ZNF426: variants seen among roughly 807,000 people sequenced by gnomAD.
ZNF426 encodes the protein CTC-543D15.7.
In ZNF426, 23 loss-of-function variants were observed where a neutral mutation model predicts 24.0. The observed-to-expected ratio is 0.96, with a 90% confidence interval of 0.69 to 1.36. ZNF426 has a LOEUF of 1.36. ZNF426 is among the 40% of genes most tolerant of loss of function. The probability of loss-of-function intolerance (pLI) is 0.00; values close to 1 mark genes in which losing one functional copy is unlikely to be tolerated. For synonymous variants in ZNF426, 272 were observed against 224.6 expected (o/e 1.21, Z -1.89); for missense variants, 646 against 658.4 (o/e 0.98, Z 0.21).
At chr19:9,529,980 G>A (rs529089930) in intron 7 of ZNF426, among the ~76,000 whole-genome samples, 227 of 152,262 alleles carry the variant, frequency 1.5e-3, no homozygotes, top group Non-Finnish European at 2.3e-3. Flanking sequence ...AATTAGCTGG[G>A]CTTGGTGGCA....
intron 3 of ZNF426, 22 bp downstream of exon 3, chr19:9,536,186 T>A: frequency 6.2e-7 from 1 of 1,613,906 alleles, no homozygotes. Flanking sequence ...CAGGATATCC[T>A]AAAAAGAGCA....
Position 9,528,984 on chromosome 19 carries a change from T to A in ZNF426, c.1061A>T (p.His354Leu). The change falls in exon 8 of 8, where the codon CAT (histidine) becomes CTT (leucine). Residue 354 changes from histidine (H) to leucine (L), a missense_variant. Coordinates refer to ENST00000253115, the MANE Select transcript of ZNF426 (RefSeq NM_024106.3). ...AFTQYSGLSMHVRSHSGDKPY... is the reference protein window; with the variant it reads ...AFTQYSGLSMLVRSHSGDKPY... The stretch of plus-strand genomic sequence containing the variant: ...CTTGTCTCCACTGTGAGATCGTACA[T>A]GCATACTAAGGCCCGAGTACTGAGT... 2 of 1,614,048 alleles carry A rather than the reference T, an allele frequency of 1.2e-6. No homozygotes were observed. The highest frequency in any genetic ancestry group is 1.7e-6 in the Non-Finnish European group (2 of 1,179,970).
chr19:9,534,085 C>T lies in ZNF426; in HGVS notation c.118-119G>A, dbSNP rs938250489. The T allele has an allele frequency of 2.0e-5, 29 of 1,431,810 alleles. No homozygotes were observed. The South Asian group carries it at 3.2e-4, about 16-fold the overall frequency. 88.7% of individuals were successfully genotyped at this position (1,431,810 alleles called of 1,614,324 possible). A position where few individuals can be genotyped will look rare whatever the true frequency, so the allele number is the denominator to read the frequency against. ...ATTCCAAGGGCTGCAGTGACCAGCC[C>T]CAGGTTTTAAGGGTCCTAGAAACTC... is the stretch of plus-strand genomic sequence containing the variant. On this transcript the variant is annotated intron_variant, in intron 4 of 7. Coordinates refer to ENST00000253115, the MANE Select transcript of ZNF426 (RefSeq NM_024106.3).
chr19:9,536,278 C>A lies in ZNF426; in HGVS notation c.-46G>T, dbSNP rs766716973. 3.7e-6 allele frequency: 6 copies of A among 1,614,150 alleles called. No individual in the cohort carries two copies. Among genetic ancestry groups the A allele is most frequent in the South Asian group, 1.1e-5 (1 of 91,070 alleles). ...CAGAACCCTCCTTTCATTGATGTCA[C>A]CATCACTTCAGGACACCTCATTAAT... On this transcript the variant is annotated 5_prime_UTR_variant, in exon 3 of 8. Transcript: ENST00000253115.
chr19:9,530,511 C>T (rs1045165042), intron 7 of ZNF426, among the ~76,000 whole-genome samples: 1 of 151,854 alleles, frequency 6.6e-6, no homozygotes, highest in African/African-American at 2.4e-5. Flanking sequence ...GCCTGTACTC[C>T]CAGCACTTTT....
chr19:9,527,678 T>C lies in ZNF426; in HGVS notation c.*702A>G, dbSNP rs890748131. On this transcript the variant is annotated 3_prime_UTR_variant, in exon 8 of 8. Transcript: ENST00000253115. ...GGCTTTTGGACAATCTATAAACGTT[T>C]TTGCTTATTGCTTACTGTATTCACT... 1 of 152,208 alleles carries C rather than the reference T, an allele frequency of 6.6e-6. No individual in the cohort carries two copies. Among genetic ancestry groups the C allele is most frequent in the Admixed American group, 6.5e-5 (1 of 15,282 alleles). 9.4% of individuals were successfully genotyped at this position (152,208 alleles called of 1,614,324 possible). A position where few individuals can be genotyped will look rare whatever the true frequency, so the allele number is the denominator to read the frequency against.
Position 9,535,174 on chromosome 19 carries a change from C to T in ZNF426, c.117+14G>A, listed in dbSNP as rs369299256. On this transcript the variant is annotated intron_variant, in intron 4 of 7. Coordinates refer to ENST00000253115, the MANE Select transcript of ZNF426 (RefSeq NM_024106.3). The stretch of plus-strand genomic sequence containing the variant: ...AAGTATGTCACTATGTATAAGAATA[C>T]AGCTGCTTTTTACCTGATAACAATC... 103 of 1,599,754 alleles carry T rather than the reference C, an allele frequency of 6.4e-5. No individual in the cohort carries two copies. In the Middle Eastern group the frequency reaches 6.7e-4, roughly 10 times the overall value.
Position 9,536,211 on chromosome 19 carries a change from G to A in ZNF426, c.22C>T (p.His8Tyr), listed in dbSNP as rs758763740. The A allele has an allele frequency of 6.2e-7, 1 of 1,614,164 alleles. No individual in the cohort carries two copies. Among genetic ancestry groups the A allele is most frequent in the Non-Finnish European group, 8.5e-7 (1 of 1,180,044 alleles). Residue 8 changes from histidine (H) to tyrosine (Y), a missense_variant, in exon 3 of 8, where the codon CAT (histidine) becomes TAT (tyrosine). Transcript: ENST00000253115. ...TAAAAAGAGCAACAGAGCTTACCAT[G>A]GGACAAATCAGCAGCTGCCATCCCG... MAAADLSHGHYLSGDPVC... is the reference protein window; with the variant it reads MAAADLSYGHYLSGDPVC...
intron 7 of ZNF426, among the ~76,000 whole-genome samples, chr19:9,529,852 T>C (rs1237538672): frequency 6.6e-6 from 1 of 152,114 alleles, no homozygotes; most frequent in Non-Finnish European, 1.5e-5. Context: ...AGGCATGGTG[T>C]CTCATGCCTG....
At chr19:9,531,091 T>A (rs754010665) in intron 6 of ZNF426, 24 bp from the exon 7 acceptor site, 89 of 1,594,878 alleles carry the variant, frequency 5.6e-5, no homozygotes, top group Non-Finnish European at 7.2e-5. Context: ...GACAAACAAA[T>A]AAAAGGACTC....
intron 7 of ZNF426, 71 bp downstream of exon 7, chr19:9,530,914 T>C (rs1181270703): frequency 2.4e-6 from 3 of 1,270,494 alleles, no homozygotes; most frequent in East Asian, 4.6e-5. Flanking sequence ...TTATTTTTGC[T>C]GACTTCCCAT....
intron 7 of ZNF426, 63 bp downstream of exon 7, chr19:9,530,922 C>G: frequency 7.3e-7 from 1 of 1,369,456 alleles, no homozygotes; most frequent in Non-Finnish European, 1.0e-6. Context: ...GCTGACTTCC[C>G]ATAACAGAAT....
chr19:9,534,193 A>G (rs2073930614), intron 4 of ZNF426, among the ~76,000 whole-genome samples: 1 of 152,052 alleles, frequency 6.6e-6, no homozygotes, highest in Admixed American at 6.6e-5. Flanking sequence ...TTATCTCAGC[A>G]CAACCAGACT....
chr19:9,536,551 A>C, intron 2 of ZNF426, 195 bp from the exon 3 acceptor site: 1 of 364,326 alleles, frequency 2.7e-6, no homozygotes, highest in South Asian at 4.5e-5. Flanking sequence ...AACAAAAATA[A>C]AAATAAGTAA....
chr19:9,530,488 T>C (rs949461782), intron 7 of ZNF426, among the ~76,000 whole-genome samples: 1 of 149,102 alleles, frequency 6.7e-6, no homozygotes, highest in African/African-American at 2.5e-5. Flanking sequence ...CTAAGCCAGA[T>C]GTGGTGGCTC....
intron 2 of ZNF426, among the ~76,000 whole-genome samples, chr19:9,537,085 ACAC>A (rs1267506491): frequency 6.6e-6 from 1 of 151,980 alleles, no homozygotes; most frequent in African/African-American, 2.4e-5. Flanking sequence ...AGCTGAGATC[ACAC>A]CACTGCACTC....
At position 9,523,390 on chromosome 19, in the gene ZNF426, T is replaced by C. The variant is rs1303336471; in HGVS notation, c.*4990A>G. 1 of 152,192 alleles carries C rather than the reference T, an allele frequency of 6.6e-6. No individual in the cohort carries two copies. Among genetic ancestry groups the C allele is most frequent in the Non-Finnish European group, 1.5e-5 (1 of 68,030 alleles). 9.4% of individuals were successfully genotyped at this position (152,192 alleles called of 1,614,324 possible). ...CCATTTCCGGTCACTTCACATAAAATTCTGTGCCTGCTACCCTGGTATCTC... is the reference window on the plus strand; with the variant it reads ...CCATTTCCGGTCACTTCACATAAAACTCTGTGCCTGCTACCCTGGTATCTC... On this transcript the variant is annotated 3_prime_UTR_variant, in exon 8 of 8. Transcript: ENST00000253115.
chr19:9,530,970 C>T lies in ZNF426; in HGVS notation c.408+15G>A. 6.3e-7 allele frequency: 1 copy of T among 1,597,988 alleles called. No individual in the cohort carries two copies. Among genetic ancestry groups the T allele is most frequent in the Non-Finnish European group, 8.6e-7 (1 of 1,165,940 alleles). On this transcript the variant is annotated intron_variant, in intron 7 of 7. Transcript: ENST00000253115. ...CTGAGGGTGGAAAATAAAAAATATC[C>T]TATGCAAATCTTACCAATTGTATCC...
chr19:9,528,372 G>A lies in ZNF426; in HGVS notation c.*8C>T, dbSNP rs1256770927. 1.3e-6 allele frequency: 2 copies of A among 1,562,206 alleles called. No individual in the cohort carries two copies. Among genetic ancestry groups the A allele is most frequent in the South Asian group, 2.5e-5 (2 of 81,204 alleles). On this transcript the variant is annotated 3_prime_UTR_variant, in exon 8 of 8. Coordinates refer to ENST00000253115, the MANE Select transcript of ZNF426 (RefSeq NM_024106.3). Reference sequence around the variant, plus strand: ...CTTTCCCACATTTATTACATGGACAGTTTCTCACTAGTGAATTTGTTCATG... The same window carrying A: ...CTTTCCCACATTTATTACATGGACAATTTCTCACTAGTGAATTTGTTCATG...
Sources: allele counts gnomAD v4.1 joint callset (sites outside exome capture counted in the v4.1 genomes callset), GRCh38; gene constraint gnomAD v4.1.1; transcripts MANE v1.5; gene names NCBI Gene and HGNC (gene_info 2026-07-23, HGNC 2026-07-21).